Variants in CD109 observed in about 807,000 individuals in gnomAD.
CD109 encodes CD109 antigen.
CD109 carries 149 observed loss-of-function variants against 165.8 expected under a neutral mutation model. That is an observed-to-expected ratio of 0.90 (90% CI 0.79 to 1.03). CD109 has a LOEUF of 1.03. Ranked by LOEUF, CD109 falls within the 50% of genes least tolerant of loss-of-function variation. The probability of loss-of-function intolerance (pLI) is 0.00; values close to 1 mark genes in which losing one functional copy is unlikely to be tolerated. For missense variants in CD109, 1,712 were observed against 1,677.8 expected (o/e 1.02, Z -0.36); for synonymous variants, 585 against 592.1 (o/e 0.99, Z 0.18).
At chr6:73,762,362 G>A (rs1773668173) in intron 7 of CD109, 22 bp from the exon 8 acceptor site, 1 of 1,404,666 alleles carries the variant, frequency 7.1e-7, no homozygotes, top group Non-Finnish European at 1.0e-6. Flanking sequence ...TACATAAAAA[G>A]ACTATGTTTA....
chr6:73,697,540 C>CAA lies in CD109; in HGVS notation c.215_216insAA (p.Val73MetfsTer24). On this transcript the variant is annotated frameshift_variant, in exon 2 of 33. Coordinates refer to ENST00000287097, the MANE Select transcript of CD109 (RefSeq NM_133493.5). LOFTEE classifies it high-confidence loss of function. ...AAGACAGCATCAAACCTCACTGTCT[C>CAA]TGTCCTGGAAGCAGAAGGAGTCTTT... The CAA allele has an allele frequency of 6.2e-7, 1 of 1,614,088 alleles. No individual in the cohort carries two copies. The highest frequency in any genetic ancestry group is 8.5e-7 in the Non-Finnish European group (1 of 1,180,012).
intron 3 of CD109, among the ~76,000 whole-genome samples, chr6:73,726,895 G>T (rs1486943890): frequency 6.6e-6 from 1 of 152,140 alleles, no homozygotes; most frequent in Non-Finnish European, 1.5e-5. Context: ...CTCCAGCCCT[G>T]TGCCCTCTGG....
At chr6:73,728,743 G>A (rs970860277) in intron 3 of CD109, among the ~76,000 whole-genome samples, 2 of 152,134 alleles carry the variant, frequency 1.3e-5, no homozygotes, top group African/African-American at 4.8e-5. Context: ...TGAGCTATCT[G>A]TAGACAAAAC....
At chr6:73,790,683 A>G (rs534490179) in intron 22 of CD109, among the ~76,000 whole-genome samples, 1 of 152,272 alleles carries the variant, frequency 6.6e-6, no homozygotes, top group South Asian at 2.1e-4. Context: ...TCTGAGCTCA[A>G]GTAGTGAGGC....
Position 73,772,863 on chromosome 6 carries a change from C to T in CD109, c.1827+1282C>T, listed in dbSNP as rs375355081. On this transcript the variant is annotated intron_variant, in intron 15 of 32. Transcript: ENST00000287097. ...CTTCAGAAAAATTGTACATTTTCTT[C>T]AGTCTACACAACTATTTTTTTCAAT... 1.4e-4 allele frequency among the ~76,000 whole-genome samples: 21 copies of T among 150,864 alleles called. No individual in the cohort carries two copies. In the East Asian group the frequency reaches 1.7e-3, roughly 13 times the overall value.
At chr6:73,795,248 A>G (rs1384142864) in intron 23 of CD109, among the ~76,000 whole-genome samples, 2 of 151,284 alleles carry the variant, frequency 1.3e-5, no homozygotes, top group Non-Finnish European at 2.9e-5. Context: ...ATATAACTCC[A>G]TATTTACATA....
At chr6:73,679,329 T>G in the CD109 span, among the ~76,000 whole-genome samples, 1 of 151,944 alleles carries the variant, frequency 6.6e-6, no homozygotes, top group Non-Finnish European at 1.5e-5. Flanking sequence ...CAAAGTATAT[T>G]TTGCTTGTAG....
chr6:73,812,184 CT>C lies in CD109; in HGVS notation c.3703-14del, dbSNP rs760424069. ...AGATATGGAAAATTAGCCTCATTCA[CT>C]TTTTTTCACCTTGATTCAGCTTGCT... is the stretch of plus-strand genomic sequence containing the variant. On this transcript the variant is annotated intron_variant, in intron 28 of 32. Transcript: ENST00000287097. 6 of 1,582,914 alleles carry C rather than the reference CT, an allele frequency of 3.8e-6. No homozygotes were observed. The highest frequency in any genetic ancestry group is 2.2e-5 in the East Asian group (1 of 44,700).
chr6:73,730,319 A>C, intron 3 of CD109, 25 bp from the exon 4 acceptor site: 1 of 1,378,076 alleles, frequency 7.3e-7, no homozygotes, highest in Non-Finnish European at 1.0e-6. Flanking sequence ...TGAGACCTTG[A>C]TGTGTGATCT....
intron 14 of CD109, 31 bp from the exon 15 acceptor site, chr6:73,771,398 A>C (rs1774028020): frequency 6.4e-7 from 1 of 1,569,892 alleles, no homozygotes; most frequent in South Asian, 1.2e-5. Flanking sequence ...AAAAAGTGAA[A>C]TAAGTTAATC....
At chr6:73,821,352 C>G (rs1012699457) in intron 32 of CD109, among the ~76,000 whole-genome samples, 2 of 152,102 alleles carry the variant, frequency 1.3e-5, no homozygotes, top group African/African-American at 4.8e-5. Flanking sequence ...CCATTTGACC[C>G]CACAATCCCG....
At chr6:73,731,920 GGTA>G (rs1450881269) in intron 4 of CD109, among the ~76,000 whole-genome samples, 1 of 152,192 alleles carries the variant, frequency 6.6e-6, no homozygotes, top group Non-Finnish European at 1.5e-5. Context: ...CCTTTTGAAA[GGTA>G]GTAGTTTTGT....
chr6:73,730,604 A>G, intron 4 of CD109, 30 bp downstream of exon 4: 6 of 1,436,694 alleles, frequency 4.2e-6, no homozygotes, highest in Non-Finnish European at 5.8e-6. Flanking sequence ...GAAGCAAGGA[A>G]TTCTAGCCAT....
At chr6:73,745,085 G>A (rs1368877715) in intron 5 of CD109, among the ~76,000 whole-genome samples, 2 of 152,168 alleles carry the variant, frequency 1.3e-5, no homozygotes, top group South Asian at 2.1e-4. Flanking sequence ...TTTAATATGT[G>A]CAGCAATTGC....
At chr6:73,739,440 C>T (rs1429827823) in intron 5 of CD109, among the ~76,000 whole-genome samples, 1 of 152,026 alleles carries the variant, frequency 6.6e-6, no homozygotes, top group East Asian at 1.9e-4. Flanking sequence ...TGAATAATAA[C>T]ATAGAGGAAA....
intron 22 of CD109, among the ~76,000 whole-genome samples, chr6:73,791,136 C>CACATAT (rs1478783898): frequency 3.5e-5 from 2 of 56,346 alleles, no homozygotes; most frequent in African/African-American, 9.6e-5. Flanking sequence ...TACATACATA[C>CACATAT]ATATATATAT....
intron 23 of CD109, 136 bp downstream of exon 23, chr6:73,792,938 C>G: frequency 1.6e-6 from 1 of 625,060 alleles, no homozygotes; most frequent in South Asian, 2.0e-5. Context: ...TTGACATGTG[C>G]AGGAAGTGCA....
At position 73,773,148 on chromosome 6, in the gene CD109, T is replaced by C. The variant is rs183217634; in HGVS notation, c.1827+1567T>C. Among the ~76,000 whole-genome samples, 143 of 151,138 alleles carry C rather than the reference T, an allele frequency of 9.5e-4. 1 individual carries two copies. The East Asian group carries it at 0.023, about 24-fold the overall frequency. ...ACACATACACACACACCCCATCTGA[T>C]GTGCTGCGCACTCTGTCTCTATTTA... On this transcript the variant is annotated intron_variant, in intron 15 of 32. Transcript: ENST00000287097.
the CD109 span, among the ~76,000 whole-genome samples, chr6:73,684,002 A>G: frequency 6.6e-6 from 1 of 152,220 alleles, no homozygotes; most frequent in Non-Finnish European, 1.5e-5. Context: ...GCCAAACCAT[A>G]TCACTATTTA....
Sources: gnomAD v4.1 joint callset for allele counts (sites outside exome capture counted in the v4.1 genomes callset) on GRCh38, gnomAD v4.1.1 for gene constraint, MANE v1.5 for transcripts, NCBI Gene and HGNC (gene_info 2026-07-23, HGNC 2026-07-21) for gene names.